The following RBM27 variants were observed in gnomAD, a reference collection of about 807,000 sequenced individuals.
The protein encoded by RBM27 is RNA binding motif protein 27.
A neutral mutation model predicts 135.3 loss-of-function variants in RBM27; 22 were observed. The ratio of observed to expected loss-of-function variants is 0.16; its 90% confidence interval spans 0.12 to 0.23. The LOEUF (loss-of-function observed/expected upper bound fraction) is 0.23. Ranked by LOEUF, RBM27 falls within the 10% of genes least tolerant of loss-of-function variation. The pLI is 1.00. For synonymous variants in RBM27, 481 were observed against 442.4 expected (o/e 1.09, Z -1.10); for missense variants, 1,009 against 1,281.0 (o/e 0.79, Z 3.24).
At chr5:146,204,142 T>C (rs1340472446) in intron 1 of RBM27, among the ~76,000 whole-genome samples, 1 of 152,132 alleles carries the variant, frequency 6.6e-6, no homozygotes, top group Admixed American at 6.5e-5. Context: ...GTTTGAGAAC[T>C]GAGAGAGAGG....
intron 9 of RBM27, among the ~76,000 whole-genome samples, chr5:146,253,983 G>C (rs537111598): frequency 6.6e-6 from 1 of 152,216 alleles, no homozygotes; most frequent in East Asian, 1.9e-4. Context: ...TTTGAAATAT[G>C]GTTTATGTGT....
intron 7 of RBM27, among the ~76,000 whole-genome samples, chr5:146,237,017 CA>C (rs1221417366): frequency 6.8e-6 from 1 of 147,708 alleles, no homozygotes; most frequent in Non-Finnish European, 1.5e-5. Context: ...CGGCTCACCG[CA>C]ACCTCCGCGT....
chr5:146,270,817 T>C, intron 17 of RBM27, 137 bp from the exon 18 acceptor site: 1 of 541,288 alleles, frequency 1.8e-6, no homozygotes, highest in Non-Finnish European at 3.3e-6. Flanking sequence ...GTTACTTTTT[T>C]AAAAACACCC....
rs370381858 is a variant in RBM27, at chr5:146,285,171, A to G, written c.3099+439A>G. Among the ~76,000 whole-genome samples, 41 of 152,290 alleles carry G rather than the reference A, an allele frequency of 2.7e-4. No individual in the cohort carries two copies. The East Asian group carries it at 2.9e-3, about 11-fold the overall frequency. Reference sequence around the variant, plus strand: ...TTGAACATAGAGGAGAGAATTGGAAAACTAAAGACCTAAATAATAAAAGTA... The same window carrying G: ...TTGAACATAGAGGAGAGAATTGGAAGACTAAAGACCTAAATAATAAAAGTA... On this transcript the variant is annotated intron_variant, in intron 20 of 20. Coordinates refer to ENST00000265271, the MANE Select transcript of RBM27 (RefSeq NM_018989.2).
chr5:146,267,592 G>A (rs911906412), intron 14 of RBM27, 57 bp from the exon 15 acceptor site: 2 of 1,123,334 alleles, frequency 1.8e-6, no homozygotes, highest in Admixed American at 2.3e-5. Flanking sequence ...AGTATTCTAA[G>A]CATTTCTAAG....
chr5:146,271,802 C>A, intron 19 of RBM27, 128 bp downstream of exon 19: 1 of 732,082 alleles, frequency 1.4e-6, no homozygotes, highest in Non-Finnish European at 2.1e-6. Flanking sequence ...ATGAGTACTA[C>A]CAAATGCCTA....
intron 9 of RBM27, among the ~76,000 whole-genome samples, chr5:146,254,576 A>G (rs1758029820): frequency 1.3e-5 from 2 of 152,162 alleles, no homozygotes; most frequent in Admixed American, 1.3e-4. Flanking sequence ...AAAATAAAAA[A>G]AAACCAGTAC....
At position 146,289,125 on chromosome 5, in the gene RBM27, A is replaced by C. The variant is rs1759698224; in HGVS notation, c.*3095A>C. The stretch of plus-strand genomic sequence containing the variant: ...ATAAAGATGCAATATGGAATGGTTC[A>C]CAATTGGAAAAAAAAAAGAAAAAAG... On this transcript the variant is annotated 3_prime_UTR_variant, in exon 21 of 21. Transcript: ENST00000265271. The C allele has an allele frequency of 6.6e-6, 1 of 152,028 alleles. No individual in the cohort carries two copies. Among genetic ancestry groups the C allele is most frequent in the Non-Finnish European group, 1.5e-5 (1 of 67,922 alleles). The allele number at this position is 152,028 out of a possible 1,614,324, so 9.4% of individuals were successfully genotyped here. A position where few individuals can be genotyped will look rare whatever the true frequency, so the allele number is the denominator to read the frequency against.
At chr5:146,228,581 C>T (rs745883914) in intron 3 of RBM27, among the ~76,000 whole-genome samples, 3 of 151,176 alleles carry the variant, frequency 2.0e-5, no homozygotes, top group East Asian at 2.0e-4. Flanking sequence ...TGCGCCCGGC[C>T]GAGAGGGACC....
chr5:146,252,919 A>C (rs2126823772), intron 9 of RBM27, among the ~76,000 whole-genome samples: 1 of 152,338 alleles, frequency 6.6e-6, no homozygotes, highest in South Asian at 2.1e-4. Context: ...GAAGCCCCCA[A>C]AATACTCTTT....
intron 18 of RBM27, 83 bp from the exon 19 acceptor site, chr5:146,271,400 C>CAAAAA: frequency 9.9e-7 from 1 of 1,014,978 alleles, no homozygotes; most frequent in Non-Finnish European, 1.3e-6. Context: ...AATTCCATCT[C>CAAAAA]AAAAAAAAAA....
chr5:146,260,634 C>A, intron 11 of RBM27, 111 bp from the exon 12 acceptor site: 1 of 825,726 alleles, frequency 1.2e-6, no homozygotes, highest in Non-Finnish European at 1.8e-6. Flanking sequence ...CCACCATGCC[C>A]AGCCACAAAA....
chr5:146,287,358 G>A lies in RBM27; in HGVS notation c.*1328G>A, dbSNP rs903465022. 1 of 151,982 alleles carries A rather than the reference G, an allele frequency of 6.6e-6. No homozygotes were observed. Among genetic ancestry groups the A allele is most frequent in the Non-Finnish European group, 1.5e-5 (1 of 68,026 alleles). The allele number at this position is 151,982 out of a possible 1,614,324, so 9.4% of individuals were successfully genotyped here. On this transcript the variant is annotated 3_prime_UTR_variant, in exon 21 of 21. Coordinates refer to ENST00000265271, the MANE Select transcript of RBM27 (RefSeq NM_018989.2). ...AATATATATGTAAATTTATGTCTTC[G>A]TGTTCTGAATGTTAGATGGAAAAGC...
At chr5:146,285,904 C>CAA (rs1759562743) in intron 20 of RBM27, 43 bp from the exon 21 acceptor site, 1 of 1,464,908 alleles carries the variant, frequency 6.8e-7, no homozygotes, top group Admixed American at 1.7e-5. Flanking sequence ...TTTTACTTAC[C>CAA]ATTCTTGTGC....
intron 8 of RBM27, among the ~76,000 whole-genome samples, chr5:146,245,982 G>C (rs1757607822): frequency 6.6e-6 from 1 of 152,126 alleles, no homozygotes; most frequent in Admixed American, 6.6e-5. Context: ...TATTAGTTGT[G>C]ACATTGTCTA....
At chr5:146,254,228 G>C (rs1758013368) in intron 9 of RBM27, among the ~76,000 whole-genome samples, 1 of 152,168 alleles carries the variant, frequency 6.6e-6, no homozygotes. Context: ...ACTGAGGTGG[G>C]CAGGTGGCTG....
rs188285228 is a variant in RBM27, at chr5:146,278,130, A to G, written c.2988+6456A>G. Among the ~76,000 whole-genome samples the G allele has an allele frequency of 2.5e-3, 380 of 152,264 alleles. 4 individuals carry two copies. Among genetic ancestry groups the G allele is most frequent in the African/African-American group, 8.8e-3 (367 of 41,540 alleles). ...AGTACCTATTTGCTCATTCCCTCAT[A>G]TAGCACTTGAATTTTGTTTTTTTAT... On this transcript the variant is annotated intron_variant, in intron 19 of 20. Transcript: ENST00000265271.
At chr5:146,232,150 AT>A (rs1756962118) in intron 6 of RBM27, among the ~76,000 whole-genome samples, 1 of 152,198 alleles carries the variant, frequency 6.6e-6, no homozygotes, top group Non-Finnish European at 1.5e-5. Context: ...TGTTGTTTTA[AT>A]GTATGCTCCC....
chr5:146,242,862 T>C (rs1757463780), intron 8 of RBM27, among the ~76,000 whole-genome samples: 1 of 152,098 alleles, frequency 6.6e-6, no homozygotes, highest in African/African-American at 2.4e-5. Flanking sequence ...CCTCCCAAAG[T>C]GCTGTGATTA....
Sources: gnomAD v4.1 joint callset for allele counts (sites outside exome capture counted in the v4.1 genomes callset) on GRCh38, gnomAD v4.1.1 for gene constraint, MANE v1.5 for transcripts, NCBI Gene and HGNC (gene_info 2026-07-23, HGNC 2026-07-21) for gene names.